Variants in CRISPLD2 observed in about 807,000 individuals in gnomAD.
CRISPLD2 encodes cysteine-rich secretory protein LCCL domain-containing 2.
A neutral mutation model predicts 71.1 loss-of-function variants in CRISPLD2; 47 were observed. The ratio of observed to expected loss-of-function variants is 0.66; its 90% CI spans 0.52 to 0.84. The LOEUF (loss-of-function observed/expected upper bound fraction) is 0.84. Ranked by LOEUF, CRISPLD2 falls within the 40% of genes least tolerant of loss-of-function variation. The pLI is 0.00. For missense variants in CRISPLD2, 830 were observed against 651.1 expected (o/e 1.27, Z -2.99); for synonymous variants, 317 against 250.1 (o/e 1.27, Z -2.52).
chr16:84,901,925 C>A (rs1448433771), intron 14 of CRISPLD2, among the ~76,000 whole-genome samples: 1 of 150,806 alleles, frequency 6.6e-6, no homozygotes, highest in Non-Finnish European at 1.5e-5. Context: ...TCCCAAGTAG[C>A]TGGGATTACA....
intron 13 of CRISPLD2, among the ~76,000 whole-genome samples, chr16:84,885,146 T>C (rs1198990939): frequency 6.6e-6 from 1 of 152,092 alleles, no homozygotes; most frequent in Admixed American, 6.6e-5. Flanking sequence ...AGCCCTCGGG[T>C]AGGGGCGGGG....
At chr16:84,827,524 G>C (rs1916382970) in intron 1 of CRISPLD2, among the ~76,000 whole-genome samples, 1 of 149,208 alleles carries the variant, frequency 6.7e-6, no homozygotes, top group Admixed American at 6.7e-5. Flanking sequence ...CTGAGCCTTT[G>C]TCCTTGCCCT....
intron 5 of CRISPLD2, among the ~76,000 whole-genome samples, chr16:84,851,255 A>G (rs1917081742): frequency 6.6e-6 from 1 of 152,222 alleles, no homozygotes. Flanking sequence ...AAGAGGGTCC[A>G]CATGCGGCCT....
intron 14 of CRISPLD2, among the ~76,000 whole-genome samples, chr16:84,891,520 A>G (rs1176982178): frequency 6.6e-6 from 1 of 152,182 alleles, no homozygotes; most frequent in African/African-American, 2.4e-5. Context: ...GGGAAATTCC[A>G]CTGATTTAAT....
intron 5 of CRISPLD2, among the ~76,000 whole-genome samples, chr16:84,853,463 A>G (rs976375385): frequency 4.6e-5 from 7 of 152,182 alleles, no homozygotes; most frequent in Non-Finnish European, 1.0e-4. Context: ...TGTGCACGTC[A>G]TAACAGTGCC....
intron 13 of CRISPLD2, 102 bp from the exon 14 acceptor site, chr16:84,889,128 C>A (rs1468661823): frequency 2.0e-6 from 3 of 1,483,752 alleles, no homozygotes; most frequent in Non-Finnish European, 9.3e-7. Flanking sequence ...GGGTCCACAT[C>A]CCACCAGCCA....
chr16:84,853,154 G>C (rs1216636226), intron 5 of CRISPLD2, among the ~76,000 whole-genome samples: 1 of 152,180 alleles, frequency 6.6e-6, no homozygotes, highest in Non-Finnish European at 1.5e-5. Context: ...GTTGAGCTGG[G>C]AGCGTCAGTG....
chr16:84,889,950 C>G (rs1354102230), intron 14 of CRISPLD2, among the ~76,000 whole-genome samples: 1 of 152,158 alleles, frequency 6.6e-6, no homozygotes, highest in African/African-American at 2.4e-5. Context: ...CCCGAGTAAG[C>G]CACCTGATTT....
chr16:84,831,036 T>A (rs1376188018), intron 1 of CRISPLD2, among the ~76,000 whole-genome samples: 4 of 152,180 alleles, frequency 2.6e-5, no homozygotes, highest in African/African-American at 9.7e-5. Flanking sequence ...ATCCCACCAC[T>A]GTTCCGGCCC....
intron 13 of CRISPLD2, among the ~76,000 whole-genome samples, chr16:84,885,240 G>A (rs1383518059): frequency 2.0e-5 from 3 of 150,350 alleles, no homozygotes; most frequent in African/African-American, 7.3e-5. Flanking sequence ...GAGCTTAATT[G>A]TGTTCGCTTA....
intron 7 of CRISPLD2, among the ~76,000 whole-genome samples, chr16:84,867,898 C>G (rs1213959497): frequency 2.0e-5 from 3 of 152,172 alleles, no homozygotes; most frequent in Admixed American, 6.5e-5. Flanking sequence ...GGGTGGAGTT[C>G]AGCTCCCCTT....
intron 11 of CRISPLD2, among the ~76,000 whole-genome samples, chr16:84,876,920 C>T (rs7203137): frequency 0.013 from 1,992 of 152,314 alleles, 17 homozygotes; most frequent in Non-Finnish European, 0.019. Context: ...ACAAAATGAC[C>T]TTGAAGATAA....
chr16:84,829,249 C>T (rs1211261458), intron 1 of CRISPLD2: 2 of 152,384 alleles, frequency 1.3e-5, no homozygotes, highest in Non-Finnish European at 2.9e-5. Context: ...GGACTGTGGC[C>T]TCCCTTGGGT....
intron 1 of CRISPLD2, among the ~76,000 whole-genome samples, chr16:84,836,824 A>T (rs911411741): frequency 1.3e-5 from 2 of 152,100 alleles, no homozygotes; most frequent in Admixed American, 1.3e-4. Flanking sequence ...AAGACCAGGG[A>T]GGACTCATGT....
intron 14 of CRISPLD2, among the ~76,000 whole-genome samples, chr16:84,906,317 G>C (rs1220792753): frequency 6.6e-6 from 1 of 152,108 alleles, no homozygotes; most frequent in Non-Finnish European, 1.5e-5. Flanking sequence ...GACAGACTGG[G>C]TCCAGCAGAT....
intron 14 of CRISPLD2, among the ~76,000 whole-genome samples, chr16:84,894,552 G>A (rs955722126): frequency 1.3e-5 from 2 of 152,142 alleles, no homozygotes; most frequent in African/African-American, 4.8e-5. Context: ...GTCCTCATAG[G>A]GGTGTGGTCT....
intron 14 of CRISPLD2, among the ~76,000 whole-genome samples, chr16:84,899,960 C>G (rs1390687775): frequency 3.3e-5 from 5 of 152,142 alleles, no homozygotes; most frequent in Admixed American, 1.3e-4. Context: ...TTGGTTCTCC[C>G]AGGATATTCA....
At chr16:84,825,906 G>C (rs1032976560) in intron 1 of CRISPLD2, among the ~76,000 whole-genome samples, 1 of 152,050 alleles carries the variant, frequency 6.6e-6, no homozygotes, top group Non-Finnish European at 1.5e-5. Flanking sequence ...GCAGTGAGCA[G>C]TGTTCACGCC....
intron 14 of CRISPLD2, among the ~76,000 whole-genome samples, chr16:84,894,327 A>AT (rs751241685): frequency 5.9e-5 from 9 of 152,206 alleles, no homozygotes; most frequent in Non-Finnish European, 1.3e-4. Context: ...GACCAGAACC[A>AT]TTTTTTAACA....
Sources: gnomAD v4.1 joint callset for allele counts (sites outside exome capture counted in the v4.1 genomes callset) on GRCh38, gnomAD v4.1.1 for gene constraint, MANE v1.5 for transcripts, NCBI Gene and HGNC (gene_info 2026-07-23, HGNC 2026-07-21) for gene names.